Variants in RAB37 observed in about 807,000 individuals in gnomAD.
RAB37 encodes the protein ras-related protein Rab-37.
A neutral mutation model predicts 33.1 loss-of-function variants in RAB37; 29 were observed. The ratio of observed to expected loss-of-function variants is 0.88; its 90% CI spans 0.65 to 1.20. The LOEUF is 1.20. Ranked by LOEUF, RAB37 falls within the 50% of genes most tolerant of loss-of-function variation. The pLI is 0.00. For synonymous variants in RAB37, 128 were observed against 119.5 expected, an observed-to-expected ratio of 1.07 and a Z score of -0.47; for missense variants, 299 against 301.1, an observed-to-expected ratio of 0.99 and a Z score of 0.05.
chr17:74,680,266 G>A (rs1484679607), intron 1 of RAB37, among the ~76,000 whole-genome samples: 1 of 151,964 alleles, frequency 6.6e-6, no homozygotes, highest in Non-Finnish European at 1.5e-5. Context: ...AGGACAAGGG[G>A]CTTCACCAAG....
intron 1 of RAB37, among the ~76,000 whole-genome samples, chr17:74,690,125 A>T (rs2032132656): frequency 6.6e-6 from 1 of 151,762 alleles, no homozygotes; most frequent in African/African-American, 2.4e-5. Context: ...CTGATTTTTT[A>T]TTTTTGGTGG....
Position 74,745,311 on chromosome 17 carries a change from T to G in RAB37, c.572T>G (p.Leu191Arg), listed in dbSNP as rs1452003879. Residue 191 changes from leucine to arginine, a missense_variant, in exon 9 of 9, where the codon CTG (leucine) becomes CGG (arginine). Physicochemically the swap from Leu to Arg is moderately radical, Grantham distance 102. Transcript: ENST00000392613. The surrounding 1 kb of genome is among the most constrained non-coding windows in gnomAD (Gnocchi z 4.5). Reference sequence around the variant, plus strand: ...CCCATTGTCTCTTCTTCAAGGGAACTGAAATACCGGGCCGGGCATCAGGCG... The same window carrying G: ...CCCATTGTCTCTTCTTCAAGGGAACGGAAATACCGGGCCGGGCATCAGGCG... The part of the protein sequence containing the change: ...ELAFLAIAKE[L>R]KYRAGHQADE... 6.2e-7 allele frequency: 1 copy of G among 1,610,308 alleles called. No homozygotes were observed. The highest frequency in any genetic ancestry group is 1.7e-5 in the Admixed American group (1 of 59,964).
intron 1 of RAB37, chr17:74,695,095 G>T (rs1301029510): frequency 6.2e-7 from 1 of 1,613,232 alleles, no homozygotes. Context: ...TGGAGTGCAG[G>T]CTAAGGCCTG....
chr17:74,686,549 C>T (rs1300322062), intron 1 of RAB37, among the ~76,000 whole-genome samples: 1 of 151,992 alleles, frequency 6.6e-6, no homozygotes, highest in African/African-American at 2.4e-5. Flanking sequence ...CACCACTACA[C>T]CTAGCTAGTT....
At chr17:74,702,828 C>T (rs1461509341) in intron 1 of RAB37, among the ~76,000 whole-genome samples, 2 of 152,214 alleles carry the variant, frequency 1.3e-5, no homozygotes, top group Non-Finnish European at 2.9e-5. Flanking sequence ...CTACAAACAG[C>T]ACTGAGCTGC....
At chr17:74,724,032 T>G (rs1236491582) in intron 1 of RAB37, among the ~76,000 whole-genome samples, 1 of 152,138 alleles carries the variant, frequency 6.6e-6, no homozygotes, top group Middle Eastern at 3.2e-3. Context: ...CGAGAGAAGC[T>G]CTGCTGGGTT....
At chr17:74,724,787 A>G (rs2034286077) in intron 1 of RAB37, among the ~76,000 whole-genome samples, 1 of 152,224 alleles carries the variant, frequency 6.6e-6, no homozygotes, top group South Asian at 2.1e-4. Context: ...AGGGTGGGGC[A>G]GAAACAAATC....
At chr17:74,695,370 A>G (rs1363264683) in intron 1 of RAB37, 1 of 1,214,988 alleles carries the variant, frequency 8.2e-7, no homozygotes, top group Non-Finnish European at 1.1e-6. Flanking sequence ...ATCCCACTCA[A>G]GCCCTCCAGC....
rs118148640 is a variant in RAB37, at chr17:74,692,882, G to A, written c.72+21224G>A. Among the ~76,000 whole-genome samples the A allele has an allele frequency of 3.4e-3, 521 of 152,278 alleles. 2 individuals are homozygous for A. Among genetic ancestry groups the A allele is most frequent in the Middle Eastern group, 0.01 (3 of 294 alleles). The stretch of plus-strand genomic sequence containing the variant: ...AGATGCCTTCTACTCCAAATACACT[G>A]CTTATTCATTGAGTCAACCAATAAA... On this transcript the variant is annotated intron_variant, in intron 1 of 7. Transcript: ENST00000340415.
At chr17:74,710,665 C>T (rs975681024) in intron 1 of RAB37, among the ~76,000 whole-genome samples, 3 of 151,018 alleles carry the variant, frequency 2.0e-5, no homozygotes, top group Non-Finnish European at 2.9e-5. Flanking sequence ...TCGAGACCAG[C>T]CTAACCAACA....
intron 1 of RAB37, among the ~76,000 whole-genome samples, chr17:74,728,565 C>T (rs1598310608): frequency 6.6e-6 from 1 of 151,216 alleles, no homozygotes; most frequent in East Asian, 1.9e-4. Flanking sequence ...TATGTTTCTG[C>T]ATCATGTGTG....
intron 2 of RAB37, 90 bp downstream of exon 2, chr17:74,740,968 T>A: frequency 4.4e-6 from 4 of 911,552 alleles, no homozygotes; most frequent in Non-Finnish European, 7.2e-6. Flanking sequence ...TCACCCTGGC[T>A]CCCAGGGACT....
At chr17:74,713,001 G>A (rs2034079860) in intron 1 of RAB37, 1 of 899,106 alleles carries the variant, frequency 1.1e-6, no homozygotes. Context: ...GGGTGAAAGA[G>A]ACTAAAAGAG....
At chr17:74,680,571 G>A (rs1000403511) in intron 1 of RAB37, among the ~76,000 whole-genome samples, 1 of 152,134 alleles carries the variant, frequency 6.6e-6, no homozygotes, top group African/African-American at 2.4e-5. Context: ...TATAGGCACA[G>A]CCTCAATCTA....
At chr17:74,698,864 A>G (rs1340044748) in intron 1 of RAB37, among the ~76,000 whole-genome samples, 5 of 152,206 alleles carry the variant, frequency 3.3e-5, no homozygotes, top group African/African-American at 1.2e-4. Flanking sequence ...TGAAGCTAAA[A>G]TAAAAGTTTT....
intron 1 of RAB37, chr17:74,696,225 A>T (rs1314950414): frequency 1.2e-6 from 2 of 1,606,230 alleles, no homozygotes; most frequent in Admixed American, 3.4e-5. Flanking sequence ...CTGCTAAAAG[A>T]CAAACAACAA....
intron 1 of RAB37, among the ~76,000 whole-genome samples, chr17:74,706,625 G>A (rs753038788): frequency 3.3e-5 from 5 of 152,050 alleles, no homozygotes; most frequent in Admixed American, 6.6e-5. Context: ...CCAAGATGGC[G>A]CCATAGCACT....
chr17:74,674,315 CA>C (rs148483181), intron 1 of RAB37, among the ~76,000 whole-genome samples: 59,127 of 150,324 alleles, frequency 0.39, 12,830 homozygotes, highest in Non-Finnish European at 0.5. Context: ...CTCCTGGCCT[CA>C]AGAGATCCAC....
At chr17:74,686,201 C>T (rs2032051648) in intron 1 of RAB37, among the ~76,000 whole-genome samples, 2 of 152,140 alleles carry the variant, frequency 1.3e-5, no homozygotes, top group South Asian at 4.2e-4. Context: ...AAGCAATTCT[C>T]CTACCTCAGC....
Sources: gnomAD v4.1 joint callset for allele counts (sites outside exome capture counted in the v4.1 genomes callset) on GRCh38, gnomAD v4.1.1 for gene constraint, Gnocchi (gnomAD v3.1) non-coding constraint, MANE v1.5 for transcripts, NCBI Gene and HGNC (gene_info 2026-07-23, HGNC 2026-07-21) for gene names.